Variants in TTC28 observed in about 807,000 individuals in gnomAD.
The protein encoded by TTC28 is tetratricopeptide repeat protein 28.
Under a neutral mutation model 198.0 loss-of-function variants are expected in TTC28, and 61 were observed. That is an observed-to-expected ratio of 0.31 (90% CI 0.25 to 0.38). TTC28 has a LOEUF of 0.38. TTC28 is among the 10% of genes least tolerant of loss of function. The pLI, the probability that TTC28 is intolerant of heterozygous loss-of-function variation, is 1.00. For missense variants in TTC28, 2,678 were observed against 3,164.0 expected (o/e 0.85, Z 3.69); for synonymous variants, 1,171 against 1,297.8 (o/e 0.90, Z 2.10).
chr22:28,297,972 T>C (rs1422026368), intron 3 of TTC28, 120 bp from the exon 4 acceptor site: 1 of 1,160,088 alleles, frequency 8.6e-7, no homozygotes. Context: ...TTATTTCAAG[T>C]ATAAACTCTT....
At chr22:28,672,757 G>A (rs1343016600) in intron 1 of TTC28, among the ~76,000 whole-genome samples, 1 of 152,206 alleles carries the variant, frequency 6.6e-6, no homozygotes, top group Non-Finnish European at 1.5e-5. Context: ...ATAGTAACTG[G>A]AGAGTAGAAC....
At chr22:28,501,212 A>G (rs1306036019) in intron 2 of TTC28, among the ~76,000 whole-genome samples, 1 of 152,192 alleles carries the variant, frequency 6.6e-6, no homozygotes, top group East Asian at 1.9e-4. Flanking sequence ...TATAATCATC[A>G]GAAAAACAAA....
intron 6 of TTC28, among the ~76,000 whole-genome samples, chr22:28,157,974 T>C (rs1943786983): frequency 3.3e-5 from 5 of 152,142 alleles, no homozygotes; most frequent in Admixed American, 3.3e-4. Context: ...AGAAATCAAA[T>C]CATCCTTGTT....
At chr22:28,199,915 T>C (rs1925778143) in intron 5 of TTC28, among the ~76,000 whole-genome samples, 1 of 152,110 alleles carries the variant, frequency 6.6e-6, no homozygotes, top group African/African-American at 2.4e-5. Flanking sequence ...ATCCATGTAT[T>C]TGCTATATAA....
chr22:28,659,851 T>G (rs960695645), intron 1 of TTC28, among the ~76,000 whole-genome samples: 1 of 151,598 alleles, frequency 6.6e-6, no homozygotes, highest in Non-Finnish European at 1.5e-5. Context: ...CAGGCTGGAG[T>G]GCAGTGGCAT....
intron 2 of TTC28, among the ~76,000 whole-genome samples, chr22:28,501,838 T>A (rs2048541916): frequency 6.6e-6 from 1 of 152,154 alleles, no homozygotes; most frequent in Non-Finnish European, 1.5e-5. Flanking sequence ...AATTATGCAA[T>A]GTTGGAAAAT....
intron 6 of TTC28, among the ~76,000 whole-genome samples, chr22:28,160,760 C>A (rs1484765921): frequency 6.6e-6 from 1 of 152,140 alleles, no homozygotes; most frequent in Non-Finnish European, 1.5e-5. Flanking sequence ...GGGGGTGAGC[C>A]TCCTTTTTCT....
At chr22:28,215,418 T>G (rs1386669722) in intron 5 of TTC28, among the ~76,000 whole-genome samples, 1 of 152,196 alleles carries the variant, frequency 6.6e-6, no homozygotes, top group East Asian at 1.9e-4. Flanking sequence ...GAGGTTCCAA[T>G]GATGGATCAT....
chr22:27,983,078 C>T lies in TTC28; in HGVS notation c.6589G>A (p.Val2197Ile), dbSNP rs538752652. ...VSKSNNPEDG[V>I]QAPSSTAVFR... is the part of the protein sequence containing the mutation. Reference sequence around the variant, plus strand: ...ACAGCAGTGCTGCTGGGCGCCTGAACGCCGTCTTCAGGGTTATTACTCTTG... The same window carrying T: ...ACAGCAGTGCTGCTGGGCGCCTGAATGCCGTCTTCAGGGTTATTACTCTTG... Residue 2197 changes from valine to isoleucine, a missense_variant, in exon 23 of 23, where the codon GTT (valine) becomes ATT (isoleucine). This residue lies in a region of TTC28 where 622 missense variants were observed against 656.0 expected (regional missense o/e 0.95). Coordinates refer to ENST00000397906, the MANE Select transcript of TTC28 (RefSeq NM_001145418.2). The T allele has an allele frequency of 4.1e-5, 63 of 1,551,766 alleles. No individual in the cohort carries two copies. The highest frequency in any genetic ancestry group is 3.4e-4 in the East Asian group (14 of 40,908).
At chr22:28,344,417 T>G (rs1569272790) in intron 2 of TTC28, among the ~76,000 whole-genome samples, 3 of 152,002 alleles carry the variant, frequency 2.0e-5, no homozygotes, top group Admixed American at 2.0e-4. Flanking sequence ...AATACCTTAT[T>G]GTTAGTATTG....
intron 2 of TTC28, among the ~76,000 whole-genome samples, chr22:28,564,584 T>A (rs999581697): frequency 1.3e-5 from 2 of 151,914 alleles, no homozygotes; most frequent in African/African-American, 4.8e-5. Context: ...CAGTATTCCG[T>A]GGTTTTCCAC....
intron 2 of TTC28, among the ~76,000 whole-genome samples, chr22:28,611,657 G>A (rs5762716): frequency 1.9e-5 from 2 of 105,766 alleles, no homozygotes; most frequent in South Asian, 4.2e-4. Flanking sequence ...ATCCCTCCCC[G>A]CTCCCCCTAC....
At chr22:28,621,851 T>C (rs1215807744) in intron 2 of TTC28, among the ~76,000 whole-genome samples, 1 of 151,964 alleles carries the variant, frequency 6.6e-6, no homozygotes, top group East Asian at 1.9e-4. Flanking sequence ...AAGATAAATA[T>C]CTTAAATGTA....
At chr22:28,446,236 A>G (rs368499588) in intron 2 of TTC28, among the ~76,000 whole-genome samples, 1 of 150,854 alleles carries the variant, frequency 6.6e-6, no homozygotes. Flanking sequence ...TGGAACAAAT[A>G]CTCAATATTT....
Position 28,529,288 on chromosome 22 carries a change from C to A in TTC28, c.381+100264G>T, listed in dbSNP as rs188201146. On this transcript the variant is annotated intron_variant, in intron 2 of 22. Coordinates refer to ENST00000397906, the MANE Select transcript of TTC28 (RefSeq NM_001145418.2). ...CATGCATGACTCAGATGGTCCCACG[C>A]CCACGGAGCCTCGCTCACTGCTAGC... Among the ~76,000 whole-genome samples the A allele has an allele frequency of 3.9e-5, 6 of 152,320 alleles. No homozygotes were observed. The East Asian group carries it at 1.2e-3, about 29-fold the overall frequency.
rs532783111 is a variant in TTC28 at position 28,190,839 on chromosome 22, C to T, written c.934-27240G>A. On this transcript the variant is annotated intron_variant, in intron 5 of 22. Transcript: ENST00000397906. ...TTTGGGAGCTCGTGTTTTGAGGCCCCGTTCTTATTTTGGGTCTCTCCCACT... is the reference window on the plus strand; with the variant it reads ...TTTGGGAGCTCGTGTTTTGAGGCCCTGTTCTTATTTTGGGTCTCTCCCACT... Among the ~76,000 whole-genome samples the T allele has an allele frequency of 1.2e-4, 18 of 152,270 alleles. No individual in the cohort carries two copies. In the East Asian group the frequency reaches 2.3e-3, roughly 20 times the overall value.
intron 2 of TTC28, among the ~76,000 whole-genome samples, chr22:28,568,686 C>T (rs2050016882): frequency 6.6e-6 from 1 of 152,128 alleles, no homozygotes; most frequent in African/African-American, 2.4e-5. Flanking sequence ...ACAAAACATG[C>T]TGAACAAAAT....
intron 2 of TTC28, among the ~76,000 whole-genome samples, chr22:28,567,004 C>T (rs2049979674): frequency 6.6e-6 from 1 of 152,112 alleles, no homozygotes; most frequent in African/African-American, 2.4e-5. Flanking sequence ...ATCATGAGGT[C>T]AGGAGTTCGA....
chr22:28,529,412 C>A (rs963341019), intron 2 of TTC28, among the ~76,000 whole-genome samples: 14 of 152,154 alleles, frequency 9.2e-5, no homozygotes, highest in Admixed American at 2.0e-4. Flanking sequence ...GGCCTGGAAG[C>A]TCAAACTGGG....
Sources: gnomAD v4.1 joint callset for allele counts (sites outside exome capture counted in the v4.1 genomes callset) on GRCh38, gnomAD v4.1.1 for gene constraint, gnomAD v4.1.1 regional missense constraint, MANE v1.5 for transcripts, NCBI Gene and HGNC (gene_info 2026-07-23, HGNC 2026-07-21) for gene names.